The following NTN1 variants were observed in gnomAD, a reference collection of about 807,000 sequenced individuals.
NTN1 encodes netrin-1.
In NTN1, 11 loss-of-function variants were observed where a neutral mutation model predicts 54.2. The observed-to-expected ratio is 0.20, with a 90% CI of 0.13 to 0.34. The LOEUF is 0.34. Ranked by LOEUF, NTN1 falls within the 10% of genes least tolerant of loss-of-function variation. NTN1 has a pLI of 1.00. For missense variants in NTN1, 740 were observed against 893.1 expected (o/e 0.83, Z 2.18); for synonymous variants, 371 against 382.0 (o/e 0.97, Z 0.33).
At chr17:9,214,197 ATTTC>A (rs1444936096) in intron 5 of NTN1, among the ~76,000 whole-genome samples, 2 of 151,510 alleles carry the variant, frequency 1.3e-5, no homozygotes, top group Non-Finnish European at 2.9e-5. Flanking sequence ...TATTTTCATT[ATTTC>A]TTCTTTAATA....
intron 2 of NTN1, among the ~76,000 whole-genome samples, chr17:9,151,122 C>T (rs2142288862): frequency 6.6e-6 from 1 of 152,316 alleles, no homozygotes; most frequent in South Asian, 2.1e-4. Flanking sequence ...CCCCCCACCC[C>T]TGTCCCTTCC....
chr17:9,185,638 G>A (rs943756169), intron 5 of NTN1, among the ~76,000 whole-genome samples: 1 of 152,074 alleles, frequency 6.6e-6, no homozygotes, highest in Non-Finnish European at 1.5e-5. Flanking sequence ...GGAAAGGAGA[G>A]AGGGACCACC....
At chr17:9,204,941 T>TTTC (rs10693850) in intron 5 of NTN1, among the ~76,000 whole-genome samples, 6 of 151,984 alleles carry the variant, frequency 3.9e-5, no homozygotes, top group African/African-American at 1.4e-4. Context: ...TTTTTTTTTT[T>TTTC]CTGAAGATAT....
At chr17:9,167,104 C>T (rs2092375496) in intron 3 of NTN1, among the ~76,000 whole-genome samples, 1 of 152,204 alleles carries the variant, frequency 6.6e-6, no homozygotes, top group Non-Finnish European at 1.5e-5. Context: ...CAGGCGGCTG[C>T]ACTCTCCAGC....
At chr17:9,009,112 C>A in the NTN1 span, among the ~76,000 whole-genome samples, 1 of 152,210 alleles carries the variant, frequency 6.6e-6, no homozygotes, top group Non-Finnish European at 1.5e-5. Context: ...ATGCCATTCC[C>A]TCTGCCTGAA....
At chr17:9,194,554 T>C (rs547098679) in intron 5 of NTN1, among the ~76,000 whole-genome samples, 3 of 152,298 alleles carry the variant, frequency 2.0e-5, no homozygotes, top group East Asian at 3.9e-4. Flanking sequence ...GGAGATCTCT[T>C]TGAGGTGGCA....
At chr17:9,207,818 T>G (rs1905005103) in intron 5 of NTN1, among the ~76,000 whole-genome samples, 1 of 152,260 alleles carries the variant, frequency 6.6e-6, no homozygotes, top group African/African-American at 2.4e-5. Context: ...GGGTCCCATT[T>G]TTCAGATATT....
chr17:9,199,757 G>T (rs1904731471), intron 5 of NTN1, among the ~76,000 whole-genome samples: 1 of 152,232 alleles, frequency 6.6e-6, no homozygotes, highest in Admixed American at 6.5e-5. Context: ...TGGTTGGGCG[G>T]GGAATGGAGT....
chr17:9,022,297 C>T lies in NTN1; in HGVS notation c.-63-14C>T. The stretch of plus-strand genomic sequence containing the variant: ...GGGGCGGGCTGGCTGAGCGCAGCTC[C>T]CTTCTCTCCGCAGGCGCCTTCTGCG... On this transcript the variant is annotated splice_polypyrimidine_tract_variant and intron_variant, in intron 1 of 6. Coordinates refer to ENST00000173229, the MANE Select transcript of NTN1 (RefSeq NM_004822.3). The T allele has an allele frequency of 8.0e-7, 1 of 1,248,348 alleles. No individual in the cohort carries two copies. The highest frequency in any genetic ancestry group is 1.0e-6 in the Non-Finnish European group (1 of 998,304). 77.3% of individuals were successfully genotyped at this position (1,248,348 alleles called of 1,614,324 possible).
the NTN1 span, among the ~76,000 whole-genome samples, chr17:9,004,912 TCCC>T: frequency 5.9e-4 from 90 of 152,316 alleles, no homozygotes; most frequent in Non-Finnish European, 1.1e-3. Flanking sequence ...CAGATGCGTG[TCCC>T]AGGTGTGTAG....
At chr17:9,205,866 C>T (rs1251107913) in intron 5 of NTN1, among the ~76,000 whole-genome samples, 2 of 152,264 alleles carry the variant, frequency 1.3e-5, no homozygotes, top group Non-Finnish European at 2.9e-5. Flanking sequence ...ACCACCCGAA[C>T]TGCCTCTTCC....
intron 2 of NTN1, among the ~76,000 whole-genome samples, chr17:9,032,158 G>A (rs1052185584): frequency 2.6e-5 from 4 of 152,132 alleles, no homozygotes; most frequent in African/African-American, 9.7e-5. Context: ...GGGAGGGGCC[G>A]AGGGTCTTGA....
chr17:9,025,357 CT>C (rs772568280), intron 2 of NTN1, among the ~76,000 whole-genome samples: 15 of 151,112 alleles, frequency 9.9e-5, no homozygotes, highest in African/African-American at 2.7e-4. Context: ...TTGGATTGAC[CT>C]TTTTTTTTAT....
chr17:9,023,429 G>A, intron 2 of NTN1, 38 bp downstream of exon 2: 3 of 1,344,002 alleles, frequency 2.2e-6, no homozygotes, highest in Non-Finnish European at 2.8e-6. Context: ...CGGCGGGTGG[G>A]GCCGCGGGCG....
chr17:9,154,160 G>T (rs1398767346), intron 2 of NTN1, among the ~76,000 whole-genome samples: 1 of 152,194 alleles, frequency 6.6e-6, no homozygotes, highest in African/African-American at 2.4e-5. Context: ...ATGTTTGGGG[G>T]ATAGTGGTGG....
At chr17:9,176,922 C>T (rs2092401635) in intron 3 of NTN1, 1 of 152,244 alleles carries the variant, frequency 6.6e-6, no homozygotes, top group South Asian at 2.1e-4. Flanking sequence ...AGGGCTGTCG[C>T]AAGGACCAAG....
chr17:9,067,975 G>C (rs938231404), intron 2 of NTN1, among the ~76,000 whole-genome samples: 3 of 152,168 alleles, frequency 2.0e-5, no homozygotes, highest in African/African-American at 7.2e-5. Flanking sequence ...AAACCCAGCC[G>C]AGGTGGGAGG....
chr17:9,164,859 G>A (rs1374873856), intron 3 of NTN1, among the ~76,000 whole-genome samples: 4 of 152,154 alleles, frequency 2.6e-5, no homozygotes, highest in African/African-American at 4.8e-5. Flanking sequence ...GAATGGGAAG[G>A]TGGCCCAGGC....
At chr17:9,146,022 G>A (rs976267356) in intron 2 of NTN1, among the ~76,000 whole-genome samples, 4 of 152,098 alleles carry the variant, frequency 2.6e-5, no homozygotes, top group African/African-American at 7.2e-5. Flanking sequence ...TAAGGAGACT[G>A]TTTCTGAAGT....
Sources: gnomAD v4.1 joint callset for allele counts (sites outside exome capture counted in the v4.1 genomes callset) on GRCh38, gnomAD v4.1.1 for gene constraint, MANE v1.5 for transcripts, NCBI Gene and HGNC (gene_info 2026-07-23, HGNC 2026-07-21) for gene names.